KLF12: variants seen among roughly 807,000 people sequenced by gnomAD.
KLF12 encodes the protein KLF transcription factor 12.
In KLF12, 9 loss-of-function variants were observed where a neutral mutation model predicts 37.8. That is an observed-to-expected ratio of 0.24 (90% CI 0.14 to 0.42). The LOEUF is 0.42. Among genes scored for constraint, KLF12 ranks in the 10% least tolerant of loss-of-function variants. The probability of loss-of-function intolerance (pLI) is 1.00; values close to 1 mark genes in which losing one functional copy is unlikely to be tolerated. For missense variants in KLF12, 411 were observed against 516.0 expected (o/e 0.80, Z 1.97); for synonymous variants, 208 against 202.1 (o/e 1.03, Z -0.25).
chr13:73,877,161 T>C (rs1419196735), intron 3 of KLF12, among the ~76,000 whole-genome samples: 1 of 152,218 alleles, frequency 6.6e-6, no homozygotes, highest in Admixed American at 6.5e-5. Context: ...CAAGTATAAT[T>C]AACAAACTAT....
At chr13:73,974,970 C>T (rs111391811) in intron 2 of KLF12, among the ~76,000 whole-genome samples, 11 of 152,126 alleles carry the variant, frequency 7.2e-5, no homozygotes, top group African/African-American at 2.7e-4. Flanking sequence ...GCAGTTAGCT[C>T]GTAAATTTAT....
At chr13:73,761,209 T>G in intron 6 of KLF12, among the ~76,000 whole-genome samples, 1 of 152,240 alleles carries the variant, frequency 6.6e-6, no homozygotes, top group East Asian at 1.9e-4. Context: ...TGCAGAAAAA[T>G]AGATTTTTTC....
chr13:73,987,399 G>A (rs764513745), intron 2 of KLF12, among the ~76,000 whole-genome samples: 5 of 151,956 alleles, frequency 3.3e-5, no homozygotes, highest in Non-Finnish European at 7.4e-5. Context: ...AATGTTCTCA[G>A]TAAGTAAAAA....
chr13:74,194,365 G>T, the KLF12 span, among the ~76,000 whole-genome samples: 3 of 152,156 alleles, frequency 2.0e-5, no homozygotes, highest in African/African-American at 7.2e-5. Context: ...CTGAGACTGG[G>T]TAATTTATAA....
chr13:74,021,891 A>C (rs1892849709), intron 1 of KLF12, among the ~76,000 whole-genome samples: 1 of 152,226 alleles, frequency 6.6e-6, no homozygotes, highest in Admixed American at 6.5e-5. Flanking sequence ...CATCAAGCAT[A>C]GATCTCAGAA....
At chr13:74,076,613 C>T (rs1431761456) in intron 1 of KLF12, among the ~76,000 whole-genome samples, 1 of 152,172 alleles carries the variant, frequency 6.6e-6, no homozygotes, top group East Asian at 1.9e-4. Flanking sequence ...CCTCTTAATA[C>T]CATCACATTG....
chr13:73,774,643 G>A (rs147918187), intron 5 of KLF12, among the ~76,000 whole-genome samples: 44 of 152,154 alleles, frequency 2.9e-4, no homozygotes, highest in African/African-American at 1.1e-3. Flanking sequence ...TAGAAAAATT[G>A]GGTGAAAGGT....
At chr13:74,219,148 G>T in the KLF12 span, among the ~76,000 whole-genome samples, 5 of 151,972 alleles carry the variant, frequency 3.3e-5, no homozygotes, top group South Asian at 2.1e-4. Context: ...TAGAGACAAG[G>T]TTTCACCACA....
At chr13:73,939,157 CACT>C (rs879815378) in intron 3 of KLF12, among the ~76,000 whole-genome samples, 6 of 152,126 alleles carry the variant, frequency 3.9e-5, no homozygotes, top group Admixed American at 6.5e-5. Flanking sequence ...TTAGTGTAGA[CACT>C]CAGGTCAGCT....
intron 5 of KLF12, among the ~76,000 whole-genome samples, chr13:73,784,749 T>A (rs369501290): frequency 1.3e-5 from 2 of 150,792 alleles, no homozygotes; most frequent in South Asian, 4.3e-4. Context: ...TCCTGCCTCA[T>A]CCTCCTGAGT....
intron 1 of KLF12, among the ~76,000 whole-genome samples, chr13:74,064,568 G>A (rs191097929): frequency 2.6e-5 from 4 of 152,310 alleles, no homozygotes; most frequent in Non-Finnish European, 5.9e-5. Context: ...TTTGGACATA[G>A]TCCAGAGACA....
chr13:74,105,628 A>C (rs1198812268), intron 1 of KLF12, among the ~76,000 whole-genome samples: 1 of 152,078 alleles, frequency 6.6e-6, no homozygotes, highest in Non-Finnish European at 1.5e-5. Context: ...GCACAGGCTG[A>C]ATTCTTGGAT....
intron 5 of KLF12, among the ~76,000 whole-genome samples, chr13:73,786,265 T>C (rs1405340064): frequency 6.6e-6 from 1 of 152,194 alleles, no homozygotes; most frequent in Non-Finnish European, 1.5e-5. Flanking sequence ...CATCATAAAT[T>C]GTTAACGTGG....
At chr13:74,149,488 C>G in the KLF12 span, among the ~76,000 whole-genome samples, 8 of 152,168 alleles carry the variant, frequency 5.3e-5, no homozygotes, top group Admixed American at 2.0e-4. Flanking sequence ...GCCCTATTGA[C>G]TTCTTACCTT....
chr13:74,239,848 AGATGGGTCTCCTGAATACAGCACACT>A, the KLF12 span, among the ~76,000 whole-genome samples: 2 of 151,518 alleles, frequency 1.3e-5, no homozygotes, highest in Non-Finnish European at 2.9e-5. Context: ...TCTGCACGTG[AGATGGGTCTCCTGAATACAGCACACT>A]GATGGGTCTT....
At chr13:74,277,313 A>G in the KLF12 span, among the ~76,000 whole-genome samples, 20 of 152,186 alleles carry the variant, frequency 1.3e-4, no homozygotes, top group Admixed American at 3.9e-4. Context: ...TGGAATGCAC[A>G]TGGCCCATAT....
intron 1 of KLF12, among the ~76,000 whole-genome samples, chr13:74,064,254 C>T (rs1415219643): frequency 6.6e-6 from 1 of 152,126 alleles, no homozygotes. Context: ...AACACATAGG[C>T]TCATATATAA....
chr13:73,753,802 G>T (rs1878955323), intron 6 of KLF12, among the ~76,000 whole-genome samples: 1 of 152,104 alleles, frequency 6.6e-6, no homozygotes, highest in South Asian at 2.1e-4. Context: ...AGCAAGTAAA[G>T]GCCCACATGG....
the KLF12 span, among the ~76,000 whole-genome samples, chr13:74,164,009 G>C: frequency 7.2e-5 from 11 of 152,128 alleles, no homozygotes; most frequent in Middle Eastern, 3.4e-3. Context: ...TGAAGATGAC[G>C]CAGGTAAATT....
Sources: allele counts gnomAD v4.1 joint callset (sites outside exome capture counted in the v4.1 genomes callset), GRCh38; gene constraint gnomAD v4.1.1; transcripts MANE v1.5; gene names NCBI Gene and HGNC (gene_info 2026-07-23, HGNC 2026-07-21).